Variants in PGAP6 observed in about 807,000 individuals in gnomAD.
PGAP6 encodes the protein post-GPI attachment to proteins factor 6.
A neutral mutation model predicts 68.4 loss-of-function variants in PGAP6; 62 were observed. The observed-to-expected ratio is 0.91, with a 90% CI of 0.74 to 1.12. PGAP6 has a LOEUF of 1.12. PGAP6 is among the 50% of genes most tolerant of loss of function. PGAP6 has a pLI of 0.00. For missense variants in PGAP6, 1,188 were observed against 1,068.5 expected, an observed-to-expected ratio of 1.11 and a Z score of -1.56; for synonymous variants, 575 against 474.0, an observed-to-expected ratio of 1.21 and a Z score of -2.77.
At position 376,448 on chromosome 16, in the gene PGAP6, C is replaced by T; in HGVS notation, c.912G>A (p.Arg304=). 2 of 1,562,382 alleles carry T rather than the reference C, an allele frequency of 1.3e-6. No homozygotes were observed. Among genetic ancestry groups the T allele is most frequent in the Non-Finnish European group, 1.7e-6 (2 of 1,152,272 alleles). ...GGGGCTGGATGGTCACGCTCCGTGG[C>T]CTGCAAGCTGCCGAGAGGACAAGGG... ...FSAVAALTAC[R]PRSVTIQPLL... The change falls in exon 6 of 13, where the codon AGG becomes AGA. Residue 304 remains arginine (R), a synonymous_variant. Transcript: ENST00000431232.
chr16:380,181 C>T (rs529509957), intron 1 of PGAP6, among the ~76,000 whole-genome samples: 2 of 152,312 alleles, frequency 1.3e-5, no homozygotes, highest in South Asian at 4.1e-4. Flanking sequence ...GGCCTGAGTT[C>T]TGGGACAGGA....
chr16:381,835 G>C lies in PGAP6; in HGVS notation c.-14C>G. On this transcript the variant is annotated 5_prime_UTR_variant, in exon 1 of 13. Transcript: ENST00000431232. Reference sequence around the variant, plus strand: ...AGCCCGGCCCATGGCTCCGCGCTCGGCCCGGCGCTACCCGGCCCGCGTCCC... The same window carrying C: ...AGCCCGGCCCATGGCTCCGCGCTCGCCCCGGCGCTACCCGGCCCGCGTCCC... 9.7e-7 allele frequency: 1 copy of C among 1,033,712 alleles called. No homozygotes were observed. The highest frequency in any genetic ancestry group is 1.2e-6 in the Non-Finnish European group (1 of 862,706). The allele number at this position is 1,033,712 out of a possible 1,614,324, so 64.0% of individuals were successfully genotyped here.
At chr16:377,983 C>T in intron 1 of PGAP6, 135 bp from the exon 2 acceptor site, 1 of 763,604 alleles carries the variant, frequency 1.3e-6, no homozygotes, top group East Asian at 2.7e-5. Flanking sequence ...CCAACTCTGA[C>T]CTTGGCAAAG....
rs568862800 is a variant in PGAP6, at chr16:372,380, T to C, written c.2020-97A>G. 61 of 1,362,646 alleles carry C rather than the reference T, an allele frequency of 4.5e-5. No individual in the cohort carries two copies. In the African/African-American group the frequency reaches 7.6e-4, roughly 17 times the overall value. 84.4% of individuals were successfully genotyped at this position (1,362,646 alleles called of 1,614,324 possible). A position where few individuals can be genotyped will look rare whatever the true frequency, so the allele number is the denominator to read the frequency against. ...TGGTTACTGGGGGCCTGCCCAGGTC[T>C]GGGCAGCAGAACGACAAGGGTGGGC... On this transcript the variant is annotated intron_variant, in intron 12 of 12. Transcript: ENST00000431232.
intron 1 of PGAP6, among the ~76,000 whole-genome samples, chr16:379,924 C>G (rs1424179237): frequency 1.3e-5 from 2 of 152,266 alleles, no homozygotes; most frequent in South Asian, 4.1e-4. Flanking sequence ...ACAGCCCCTC[C>G]ACGGACACAG....
At chr16:372,973 C>G (rs1022652805) in intron 11 of PGAP6, among the ~76,000 whole-genome samples, 6 of 152,178 alleles carry the variant, frequency 3.9e-5, no homozygotes, top group African/African-American at 1.4e-4. Flanking sequence ...TTAGACGATG[C>G]TCACACAAAC....
upstream of PGAP6, chr16:382,115 C>A: frequency 2.9e-6 from 1 of 341,824 alleles, no homozygotes; most frequent in African/African-American, 2.4e-5. Flanking sequence ...ACGTGGGGCG[C>A]GCGGGGGACG....
Position 374,409 on chromosome 16 carries a change from C to T in PGAP6, c.1577-10G>A, listed in dbSNP as rs971443444. The T allele has an allele frequency of 1.3e-6, 2 of 1,557,152 alleles. No homozygotes were observed. The highest frequency in any genetic ancestry group is 1.7e-6 in the Non-Finnish European group (2 of 1,155,728). ...CTCCACCCACGCCAGCCTGCGGTCACAAAACCCCGACGCGGAGGCTGGGGG... is the reference window on the plus strand; with the variant it reads ...CTCCACCCACGCCAGCCTGCGGTCATAAAACCCCGACGCGGAGGCTGGGGG... On this transcript the variant is annotated splice_polypyrimidine_tract_variant and intron_variant, in intron 9 of 12. Transcript: ENST00000431232.
chr16:372,305 G>C (rs758333804), intron 12 of PGAP6, 22 bp from the exon 13 acceptor site: 1 of 1,599,450 alleles, frequency 6.3e-7, no homozygotes. Context: ...AGCCACGCAG[G>C]TATCAGTGCA....
In PGAP6 at chr16:375,443, G is replaced by A; in HGVS notation, c.1225-8C>T. ...CTCGTTCCGCATCTCTGTCTGGAAA[G>A]GGAGGCGGTGCCGGCTCAGCTCCAG... is the stretch of plus-strand genomic sequence containing the variant. On this transcript the variant is annotated splice_polypyrimidine_tract_variant and splice_region_variant and intron_variant, in intron 6 of 12. Coordinates refer to ENST00000431232, the MANE Select transcript of PGAP6 (RefSeq NM_021259.3). The A allele has an allele frequency of 2.5e-6, 4 of 1,611,272 alleles. No individual in the cohort carries two copies. The highest frequency in any genetic ancestry group is 2.2e-5 in the East Asian group (1 of 44,880).
rs779295043 is a variant in PGAP6 at position 377,462 on chromosome 16, G to A, written c.423C>T (p.Ala141=). The A allele has an allele frequency of 2.5e-6, 4 of 1,611,116 alleles. No homozygotes were observed. The highest frequency in any genetic ancestry group is 3.4e-6 in the Non-Finnish European group (4 of 1,179,216). The change falls in exon 3 of 13, where the codon GCC becomes GCT. Residue 141 remains alanine, a synonymous_variant. Transcript: ENST00000431232. ...VPLSTTPRSN[A]SVNVSHPAPG... Reference sequence around the variant, plus strand: ...GGGCCGGGTGGGAAACGTTGACGGAGGCATTGCTTCTCGGTGTGGTGCTCA... The same window carrying A: ...GGGCCGGGTGGGAAACGTTGACGGAAGCATTGCTTCTCGGTGTGGTGCTCA...
intron 3 of PGAP6, 76 bp downstream of exon 3, chr16:377,302 C>T (rs1305744275): frequency 2.6e-6 from 4 of 1,562,540 alleles, no homozygotes; most frequent in African/African-American, 1.4e-5. Context: ...GAGGACCACC[C>T]CAAAGAGGTG....
At chr16:377,999 C>G (rs56990244) in intron 1 of PGAP6, 151 bp from the exon 2 acceptor site, 377,644 of 661,038 alleles carry the variant, frequency 0.57, 113,769 homozygotes, top group African/African-American at 0.87. Flanking sequence ...CAAAGGTCAC[C>G]GACACCCTCT....
At position 375,411 on chromosome 16, in the gene PGAP6, C is replaced by T. The variant is rs758212181; in HGVS notation, c.1249G>A (p.Val417Ile). 6.8e-6 allele frequency: 11 copies of T among 1,612,640 alleles called. No homozygotes were observed. In the Middle Eastern group the frequency reaches 5.1e-4, roughly 75 times the overall value. Residue 417 changes from valine (V) to isoleucine (I), a missense_variant, in exon 7 of 13, where the codon GTA becomes ATA. Physicochemically the swap from Val to Ile is conservative, Grantham distance 29. Coordinates refer to ENST00000431232, the MANE Select transcript of PGAP6 (RefSeq NM_021259.3). ...NKTEMRNETV[V>I]VACVNAASPF... ...GAGGCAGCATTCACGCAGGCCACTA[C>T]GACGGTCTCGTTCCGCATCTCTGTC...
In PGAP6 at chr16:375,962, G is replaced by A. The variant is rs147536969; in HGVS notation, c.1224+174C>T. 8.2e-3 allele frequency among the ~76,000 whole-genome samples: 1,245 copies of A among 152,154 alleles called. 16 individuals carry two copies. Among genetic ancestry groups the A allele is most frequent in the African/African-American group, 0.028 (1,168 of 41,508 alleles). ...CCCACAGCCCCGGGGCCTGTTGACAGGAACAAGGCTGCCCAGCAGGGGAGG... is the reference window on the plus strand; with the variant it reads ...CCCACAGCCCCGGGGCCTGTTGACAAGAACAAGGCTGCCCAGCAGGGGAGG... On this transcript the variant is annotated intron_variant, in intron 6 of 12. Transcript: ENST00000431232.
In PGAP6 at chr16:376,140, T is replaced by C. The variant is rs575758267; in HGVS notation, c.1220A>G (p.Asn407Ser). The C allele has an allele frequency of 6.2e-7, 1 of 1,600,718 alleles. No individual in the cohort carries two copies. Among genetic ancestry groups the C allele is most frequent in the Non-Finnish European group, 8.5e-7 (1 of 1,171,724 alleles). ...GGSLTISLRA[N>S]KTEMRNETVV... ...CCGCTTGCAGACAGCAGGTACCTTGTTGGCCCGCAGGGAGATGGTGAGGGA... is the reference window on the plus strand; with the variant it reads ...CCGCTTGCAGACAGCAGGTACCTTGCTGGCCCGCAGGGAGATGGTGAGGGA... The change falls in exon 6 of 13, where the codon AAC (asparagine) becomes AGC (serine). Residue 407 changes from asparagine to serine, a missense_variant. Transcript: ENST00000431232.
Position 375,337 on chromosome 16 carries a change from C to G in PGAP6, c.1315+8G>C. 1.2e-6 allele frequency: 2 copies of G among 1,612,828 alleles called. No individual in the cohort carries two copies. Among genetic ancestry groups the G allele is most frequent in the Non-Finnish European group, 1.7e-6 (2 of 1,179,932 alleles). On this transcript the variant is annotated splice_region_variant and intron_variant, in intron 7 of 12. Coordinates refer to ENST00000431232, the MANE Select transcript of PGAP6 (RefSeq NM_021259.3). ...GGCCACGCTGACGGTGACGCCTGCC[C>G]ATCATACCTGTGGTGCAGTTGAGCG...
In PGAP6 at chr16:371,604, G is replaced by A. The variant is rs890790735; in HGVS notation, c.*383C>T. The A allele has an allele frequency of 4.9e-6, 1 of 202,454 alleles. No individual in the cohort carries two copies. Among genetic ancestry groups the A allele is most frequent in the Non-Finnish European group, 1.0e-5 (1 of 99,270 alleles). 12.5% of individuals were successfully genotyped at this position (202,454 alleles called of 1,614,324 possible). A position where few individuals can be genotyped will look rare whatever the true frequency, so the allele number is the denominator to read the frequency against. ...TGGGCTCAGGGCTCCTGGGCGCCAT[G>A]GGTCTCACCACAGCCTCGCCAGGGA... On this transcript the variant is annotated 3_prime_UTR_variant, in exon 13 of 13. Transcript: ENST00000431232.
At chr16:378,351 G>C (rs1360575452) in intron 1 of PGAP6, among the ~76,000 whole-genome samples, 336 of 6,672 alleles carry the variant, frequency 0.05, 3 homozygotes, top group Middle Eastern at 0.083. Context: ...TCGCCACTCT[G>C]ACTGCCATCC....
Sources: gnomAD v4.1 joint callset for allele counts (sites outside exome capture counted in the v4.1 genomes callset) on GRCh38, gnomAD v4.1.1 for gene constraint, MANE v1.5 for transcripts, NCBI Gene and HGNC (gene_info 2026-07-23, HGNC 2026-07-21) for gene names.